LIPE: variants seen among roughly 807,000 people sequenced by gnomAD.
LIPE encodes hormone-sensitive lipase.
In LIPE, 66 loss-of-function variants were observed where a neutral mutation model predicts 88.5. That is an observed-to-expected ratio of 0.75 (90% CI 0.61 to 0.91). LIPE has a LOEUF of 0.91. Ranked by LOEUF, LIPE falls within the 40% of genes least tolerant of loss-of-function variation. The pLI is 0.00. For synonymous variants in LIPE, 570 were observed against 617.5 expected, an observed-to-expected ratio of 0.92 and a Z score of 1.14; for missense variants, 1,346 against 1,434.7, an observed-to-expected ratio of 0.94 and a Z score of 1.00.
Position 42,426,692 on chromosome 19 carries a change from G to C in LIPE, c.458C>G (p.Ala153Gly), listed in dbSNP as rs758753124. ...PGEPPPAQQE[A>G]ESTPAAQAKP... ...AGCCTGGGCCGCAGGTGTTGATTCA[G>C]CTTCTTGTTGAGCTGGAGGTGGCTC... The change falls in exon 1 of 10, where the codon GCT (alanine) becomes GGT (glycine). Residue 153 changes from alanine to glycine, a missense_variant. Ala to Gly is a moderately conservative substitution (Grantham distance 60, BLOSUM62 0). Coordinates refer to ENST00000244289, the MANE Select transcript of LIPE (RefSeq NM_005357.4). 1.9e-6 allele frequency: 3 copies of C among 1,614,098 alleles called. No homozygotes were observed. The highest frequency in any genetic ancestry group is 3.3e-5 in the Admixed American group (2 of 59,996).
chr19:42,413,120 T>C lies in LIPE; in HGVS notation c.884-2278A>G, dbSNP rs567659570. Among the ~76,000 whole-genome samples the C allele has an allele frequency of 5.3e-5, 8 of 152,352 alleles. No homozygotes were observed. In the South Asian group the frequency reaches 1.4e-3, roughly 28 times the overall value. On this transcript the variant is annotated intron_variant, in intron 1 of 9. Coordinates refer to ENST00000244289, the MANE Select transcript of LIPE (RefSeq NM_005357.4). ...TCACCCGTGTCATTCCACAGATTCC[T>C]TGTCTGGCCTCAGCTTGTCACTTCC...
chr19:42,424,203 G>T, intron 1 of LIPE: 2 of 943,404 alleles, frequency 2.1e-6, no homozygotes, highest in South Asian at 1.4e-5. Context: ...CCGATAATGA[G>T]GGTGGGGGAT....
At position 42,414,411 on chromosome 19, in the gene LIPE, G is replaced by T. The variant is rs977402845; in HGVS notation, c.884-3569C>A. Among the ~76,000 whole-genome samples the T allele has an allele frequency of 6.6e-6, 1 of 152,258 alleles. No individual in the cohort carries two copies. Among genetic ancestry groups the T allele is most frequent in the Non-Finnish European group, 1.5e-5 (1 of 68,042 alleles). On this transcript the variant is annotated intron_variant, in intron 1 of 9. Coordinates refer to ENST00000244289, the MANE Select transcript of LIPE (RefSeq NM_005357.4). The surrounding 1 kb of genome is among the most constrained non-coding windows in gnomAD (Gnocchi z 4.6). Reference sequence around the variant, plus strand: ...CCTCATCTGGAAACTGCACTTGGCTGTTCTGCTGGCTCAGGGTGGGAGACA... The same window carrying T: ...CCTCATCTGGAAACTGCACTTGGCTTTTCTGCTGGCTCAGGGTGGGAGACA...
At chr19:42,424,928 G>A (rs960746691) in intron 1 of LIPE, 3 of 322,510 alleles carry the variant, frequency 9.3e-6, no homozygotes, top group Non-Finnish European at 1.8e-5. Flanking sequence ...TGAGCCCAGA[G>A]CCTTGGGCCC....
At position 42,402,044 on chromosome 19, in the gene LIPE, G is replaced by GA. The variant is rs1440878293; in HGVS notation, c.2998dup (p.Ser1000PhefsTer91). The GA allele has an allele frequency of 6.6e-7, 1 of 1,525,748 alleles. No individual in the cohort carries two copies. Among genetic ancestry groups the GA allele is most frequent in the African/African-American group, 1.4e-5 (1 of 71,262 alleles). 94.5% of individuals were successfully genotyped at this position (1,525,748 alleles called of 1,614,324 possible). ...GCGCAGTCGCCGCGCGAGCATGACC[G>GA]AGTCGTCCAGCATGGGGTCCAGCGC... On this transcript the variant is annotated frameshift_variant, in exon 10 of 10. Transcript: ENST00000244289. LOFTEE classifies it high-confidence loss of function.
chr19:42,421,914 G>T (rs1030847528), intron 1 of LIPE, among the ~76,000 whole-genome samples: 1 of 152,236 alleles, frequency 6.6e-6, no homozygotes, highest in Non-Finnish European at 1.5e-5. Context: ...GAGTTTGCAG[G>T]AATGAGCCTT....
chr19:42,410,536 T>A lies in LIPE; in HGVS notation c.1190A>T (p.Asn397Ile), dbSNP rs143576253. 2.5e-6 allele frequency: 4 copies of A among 1,612,276 alleles called. No homozygotes were observed. The South Asian group carries it at 4.4e-5, about 18-fold the overall frequency. The change falls in exon 2 of 10, where the codon AAC becomes ATC. Residue 397 changes from asparagine (N) to isoleucine (I), a missense_variant. Coordinates refer to ENST00000244289, the MANE Select transcript of LIPE (RefSeq NM_005357.4). The surrounding 1 kb of genome is among the most constrained non-coding windows in gnomAD (Gnocchi z 6.1). ...LLHKSRYVAS[N>I]RRSIFFRTSH... ...GGTGCGGAAGAAGATGCTGCGGCGG[T>A]TGGAGGCCACATAGCGGGATTTGTG... is the stretch of plus-strand genomic sequence containing the variant.
chr19:42,405,976 T>TCACACACACACACA (rs57282318), intron 7 of LIPE, 185 bp downstream of exon 7: 14 of 418,678 alleles, frequency 3.3e-5, no homozygotes, highest in Middle Eastern at 6.9e-4. Flanking sequence ...TCTCTCTCTC[T>TCACACACACACACA]CACACACACA....
At chr19:42,402,495 T>C in intron 9 of LIPE, 112 bp downstream of exon 9, 1 of 964,708 alleles carries the variant, frequency 1.0e-6, no homozygotes, top group Non-Finnish European at 1.4e-6. Context: ...CCTGTCCCTT[T>C]CTCCCCACTC....
intron 1 of LIPE, chr19:42,424,791 C>A (rs1019532088): frequency 2.8e-6 from 1 of 359,798 alleles, no homozygotes; most frequent in Non-Finnish European, 5.5e-6. Flanking sequence ...TGTATTCCCC[C>A]CTTCTCCATG....
At position 42,401,837 on chromosome 19, in the gene LIPE, T is replaced by C; in HGVS notation, c.3206A>G (p.Asp1069Gly). Residue 1069 changes from aspartate to glycine, a missense_variant, in exon 10 of 10, where the codon GAC becomes GGC. Coordinates refer to ENST00000244289, the MANE Select transcript of LIPE (RefSeq NM_005357.4). ...TTAGTGTCGCCCCCCGCAGCCCCCG[T>C]CTACCCCCGCAGCCCCCGTCTCCCC... ...PSGETGAAGV[D>G]GGCGGRH The C allele has an allele frequency of 1.3e-5, 13 of 994,564 alleles. No individual in the cohort carries two copies. Among genetic ancestry groups the C allele is most frequent in the African/African-American group, 3.5e-5 (2 of 57,428 alleles). 61.6% of individuals were successfully genotyped at this position (994,564 alleles called of 1,614,324 possible).
intron 7 of LIPE, 124 bp from the exon 8 acceptor site, chr19:42,405,685 G>C (rs1002294534): frequency 2.1e-6 from 2 of 972,472 alleles, no homozygotes; most frequent in East Asian, 2.5e-5. Flanking sequence ...AAAGGGATAA[G>C]GAGGCTGGGC....
chr19:42,423,402 G>T, intron 1 of LIPE: 1 of 1,289,224 alleles, frequency 7.8e-7, no homozygotes, highest in Non-Finnish European at 1.0e-6. Context: ...GGCTGCTGCC[G>T]GTCTCCGCGC....
In LIPE at chr19:42,416,849, G is replaced by A. The variant is rs559112373; in HGVS notation, c.884-6007C>T. ...AGTAGATTAATGTGTTTTCATGCCCGCTAACACATGATCTGTTCTGCAGCC... is the reference window on the plus strand; with the variant it reads ...AGTAGATTAATGTGTTTTCATGCCCACTAACACATGATCTGTTCTGCAGCC... On this transcript the variant is annotated intron_variant, in intron 1 of 9. Transcript: ENST00000244289. Among the ~76,000 whole-genome samples the A allele has an allele frequency of 9.8e-5, 15 of 152,306 alleles. No homozygotes were observed. In the South Asian group the frequency reaches 3.1e-3, roughly 32 times the overall value.
intron 9 of LIPE, among the ~76,000 whole-genome samples, 184 bp downstream of exon 9, chr19:42,402,423 G>A (rs2040010280): frequency 6.6e-6 from 1 of 152,068 alleles, no homozygotes; most frequent in African/African-American, 2.4e-5. Context: ...GTAAAACGGA[G>A]GCAGCCCTGA....
rs1395527331 is a variant in LIPE at position 42,402,657 on chromosome 19, G to T, written c.2917C>A (p.Leu973Met). The T allele has an allele frequency of 6.0e-6, 9 of 1,500,148 alleles. No individual in the cohort carries two copies. Among genetic ancestry groups the T allele is most frequent in the Non-Finnish European group, 7.1e-6 (8 of 1,122,774 alleles). The allele number at this position is 1,500,148 out of a possible 1,614,324, so 92.9% of individuals were successfully genotyped here. ...PIVKNPFMSP[L>M]LAPDSMLKSL... Reference sequence around the variant, plus strand: ...TTGAGCATGCTGTCGGGTGCCAGCAGCGGCGACATGAAGGGGTTCTTGACT... The same window carrying T: ...TTGAGCATGCTGTCGGGTGCCAGCATCGGCGACATGAAGGGGTTCTTGACT... Residue 973 changes from leucine (L) to methionine (M), a missense_variant, in exon 9 of 10, where the codon CTG becomes ATG. Leu to Met is a conservative substitution (Grantham distance 15). Coordinates refer to ENST00000244289, the MANE Select transcript of LIPE (RefSeq NM_005357.4).
chr19:42,424,594 C>T (rs568797631), intron 1 of LIPE: 4 of 456,208 alleles, frequency 8.8e-6, no homozygotes, highest in African/African-American at 2.0e-5. Context: ...CGCTGAGAAA[C>T]GCGTTACTCT....
chr19:42,420,124 C>G (rs1306140676), intron 1 of LIPE, among the ~76,000 whole-genome samples: 1 of 151,872 alleles, frequency 6.6e-6, no homozygotes, highest in East Asian at 1.9e-4. Flanking sequence ...ATTATCATCC[C>G]TTTTGGCAGA....
At position 42,410,582 on chromosome 19, in the gene LIPE, A is replaced by G; in HGVS notation, c.1144T>C (p.Cys382Arg). Residue 382 changes from cysteine to arginine, a missense_variant, in exon 2 of 10, where the codon TGC becomes CGC. Cys to Arg is a radical substitution (Grantham distance 180). Coordinates refer to ENST00000244289, the MANE Select transcript of LIPE (RefSeq NM_005357.4). This position sits in a 1 kb window ranked among gnomAD's most constrained non-coding sequence, Gnocchi z 6.1. ...GYRSLVHTAR[C>R]CLAHLLHKSR... ...TTGTGCAGGAGGTGCGCCAGGCAGC[A>G]GCGGGCTGTGTGCACTAGGCTGCGG... The G allele has an allele frequency of 6.2e-7, 1 of 1,613,234 alleles. No individual in the cohort carries two copies. The highest frequency in any genetic ancestry group is 8.5e-7 in the Non-Finnish European group (1 of 1,179,938).
Sources: gnomAD v4.1 joint callset for allele counts (sites outside exome capture counted in the v4.1 genomes callset) on GRCh38, gnomAD v4.1.1 for gene constraint, Gnocchi (gnomAD v3.1) non-coding constraint, MANE v1.5 for transcripts, NCBI Gene and HGNC (gene_info 2026-07-23, HGNC 2026-07-21) for gene names.